LIX1L: variants seen among roughly 807,000 people sequenced by gnomAD.
The protein encoded by LIX1L is limb and CNS expressed 1 like, also known as LIX1-like protein.
A neutral mutation model predicts 34.0 loss-of-function variants in LIX1L; 20 were observed. The ratio of observed to expected loss-of-function variants is 0.59; its 90% CI spans 0.41 to 0.85. The LOEUF (loss-of-function observed/expected upper bound fraction) is 0.85. LIX1L is among the 40% of genes least tolerant of loss of function. The probability of loss-of-function intolerance (pLI) is 0.00; values close to 1 mark genes in which losing one functional copy is unlikely to be tolerated. For synonymous variants in LIX1L, 170 were observed against 187.4 expected (o/e 0.91, Z 0.76); for missense variants, 397 against 447.0 (o/e 0.89, Z 1.01).
chr1:145,940,583 G>A (rs1166109020), intron 3 of LIX1L, among the ~76,000 whole-genome samples: 3 of 124,436 alleles, frequency 2.4e-5, no homozygotes, highest in East Asian at 2.2e-4. Context: ...ACACAGTCTC[G>A]CTCTGTCACC....
chr1:145,956,662 C>A (rs1283324977), intron 1 of LIX1L, among the ~76,000 whole-genome samples: 1 of 152,128 alleles, frequency 6.6e-6, no homozygotes, highest in Non-Finnish European at 1.5e-5. Context: ...CAGGCAGGAC[C>A]TGGCCAAGCA....
intron 1 of LIX1L, among the ~76,000 whole-genome samples, chr1:145,955,911 C>T (rs1284952109): frequency 6.6e-6 from 1 of 152,124 alleles, no homozygotes; most frequent in Non-Finnish European, 1.5e-5. Context: ...AGCAGAGGCT[C>T]TCCAGGTAAC....
chr1:145,934,491 G>C lies in LIX1L; in HGVS notation c.*1819C>G, dbSNP rs587643493. ...AAGGAGGCTGAGGCAGGAGAGTGGC[G>C]TGAACCCGGGAGGCGGAGCTTGCAG... On this transcript the variant is annotated 3_prime_UTR_variant, in exon 6 of 6. Transcript: ENST00000604000. 2.0e-5 allele frequency: 3 copies of C among 151,070 alleles called. No homozygotes were observed. Among genetic ancestry groups the C allele is most frequent in the Non-Finnish European group, 2.9e-5 (2 of 67,942 alleles). 9.4% of individuals were successfully genotyped at this position (151,070 alleles called of 1,614,324 possible). A position where few individuals can be genotyped will look rare whatever the true frequency, so the allele number is the denominator to read the frequency against.
chr1:145,937,115 T>C (rs1648678763), intron 4 of LIX1L, 130 bp from the exon 5 acceptor site: 1 of 406,284 alleles, frequency 2.5e-6, no homozygotes, highest in Non-Finnish European at 4.5e-6. Context: ...TGATAGGCCT[T>C]TGGGGAAGAA....
rs1332511085 is a variant in LIX1L, at chr1:145,957,741, C to G, written c.187G>C (p.Gly63Arg). The part of the protein sequence containing the change: ...PPPLLLSGAP[G>R]LPLPPGAAGS... ...GCGGCGCCGGGGGGCAGGGGTAGTCCTGGGGCCCCAGACAGGAGCAGCGGC... is the reference window on the plus strand; with the variant it reads ...GCGGCGCCGGGGGGCAGGGGTAGTCGTGGGGCCCCAGACAGGAGCAGCGGC... Residue 63 changes from glycine to arginine, a missense_variant, in exon 1 of 6, where the codon GGA (glycine) becomes CGA (arginine). By Grantham distance (125) the Gly-to-Arg change is moderately radical. Coordinates refer to ENST00000604000, the MANE Select transcript of LIX1L (RefSeq NM_153713.3). 7 of 1,433,020 alleles carry G rather than the reference C, an allele frequency of 4.9e-6. No homozygotes were observed. In the African/African-American group the frequency reaches 6.0e-5, roughly 12 times the overall value. The allele number at this position is 1,433,020 out of a possible 1,614,324, so 88.8% of individuals were successfully genotyped here.
At chr1:145,951,684 T>C (rs1649304481) in intron 1 of LIX1L, among the ~76,000 whole-genome samples, 1 of 152,248 alleles carries the variant, frequency 6.6e-6, no homozygotes, top group Non-Finnish European at 1.5e-5. Context: ...ATCTTTGTTC[T>C]TTCCGTGAGA....
At chr1:145,944,094 T>C (rs946775683) in intron 2 of LIX1L, among the ~76,000 whole-genome samples, 5 of 148,606 alleles carry the variant, frequency 3.4e-5, no homozygotes, top group African/African-American at 1.0e-4. Context: ...TGGTGGCTCA[T>C]GCCTGTAATC....
chr1:145,940,769 T>C (rs1403263143), intron 3 of LIX1L, among the ~76,000 whole-genome samples: 1 of 151,224 alleles, frequency 6.6e-6, no homozygotes, highest in Middle Eastern at 3.2e-3. Context: ...AGCCAGATGG[T>C]CTTGATCTCT....
intron 3 of LIX1L, among the ~76,000 whole-genome samples, chr1:145,938,058 G>A (rs1648731962): frequency 6.6e-6 from 1 of 151,804 alleles, no homozygotes; most frequent in African/African-American, 2.4e-5. Context: ...CAACCTGGGA[G>A]GCGGAGATTG....
In LIX1L at chr1:145,947,685, G is replaced by A. The variant is rs781802367; in HGVS notation, c.390C>T (p.Pro130=). ...NGALVVYEMV[P]SNSPPYVCYV... ...AGCAGACATAAGGAGGGCTGTTGGA[G>A]GGAACCATCTCATAAACCACTAGAG... is the stretch of plus-strand genomic sequence containing the variant. The change falls in exon 2 of 6, where the codon CCC becomes CCT. Residue 130 remains proline (P), a synonymous_variant. Transcript: ENST00000604000. 21 of 1,613,994 alleles carry A rather than the reference G, an allele frequency of 1.3e-5. No homozygotes were observed. Among genetic ancestry groups the A allele is most frequent in the Non-Finnish European group, 1.8e-5 (21 of 1,180,026 alleles).
At chr1:145,947,826 C>A (rs782549733) in intron 1 of LIX1L, 44 bp from the exon 2 acceptor site, 1 of 1,582,952 alleles carries the variant, frequency 6.3e-7, no homozygotes, top group Admixed American at 1.7e-5. Flanking sequence ...ATGAGAACAC[C>A]TCCACGTGGT....
intron 1 of LIX1L, 90 bp downstream of exon 1, chr1:145,957,546 C>T: frequency 7.4e-7 from 1 of 1,346,666 alleles, no homozygotes; most frequent in Non-Finnish European, 9.5e-7. Flanking sequence ...CATGTGAGGG[C>T]TCCACGCCAG....
rs781883977 is a variant in LIX1L, at chr1:145,937,625, G to A, written c.672C>T (p.Gly224=). ...AFRFMLESNK[G]KSMLEFQELM... Reference sequence around the variant, plus strand: ...GTACCTGGAACTCCAACATTGATTTGCCCTTGTTGGATTCCAGCATGAATC... The same window carrying A: ...GTACCTGGAACTCCAACATTGATTTACCCTTGTTGGATTCCAGCATGAATC... Residue 224 remains glycine (G), a synonymous_variant, in exon 4 of 6, where the codon GGC becomes GGT. Coordinates refer to ENST00000604000, the MANE Select transcript of LIX1L (RefSeq NM_153713.3). 1.1e-5 allele frequency: 17 copies of A among 1,612,546 alleles called. No individual in the cohort carries two copies. Among genetic ancestry groups the A allele is most frequent in the Non-Finnish European group, 1.4e-5 (17 of 1,178,750 alleles).
intron 2 of LIX1L, among the ~76,000 whole-genome samples, chr1:145,946,118 CAAAAAAACAA>C (rs1360569318): frequency 1.4e-5 from 2 of 146,224 alleles, no homozygotes; most frequent in East Asian, 4.0e-4. Flanking sequence ...AACAAAAAAA[CAAAAAAACAA>C]AAAAAAACAA....
At chr1:145,941,689 G>T (rs987038597) in intron 3 of LIX1L, among the ~76,000 whole-genome samples, 1 of 152,048 alleles carries the variant, frequency 6.6e-6, no homozygotes, top group Non-Finnish European at 1.5e-5. Flanking sequence ...TCTAATCTTG[G>T]CGTGACCAAT....
At chr1:145,947,566 C>T (rs1407585924) in intron 2 of LIX1L, 53 bp downstream of exon 2, 8 of 1,577,170 alleles carry the variant, frequency 5.1e-6, no homozygotes, top group African/African-American at 2.7e-5. Context: ...TGGAGAAAGC[C>T]GTTACTAACA....
chr1:145,951,054 A>G (rs1649281360), intron 1 of LIX1L, among the ~76,000 whole-genome samples: 1 of 152,042 alleles, frequency 6.6e-6, no homozygotes, highest in Admixed American at 6.6e-5. Flanking sequence ...CAAGGAATTT[A>G]TTTTATTTTT....
intron 3 of LIX1L, among the ~76,000 whole-genome samples, chr1:145,941,465 C>T (rs1465451725): frequency 2.0e-5 from 3 of 151,950 alleles, no homozygotes; most frequent in Admixed American, 2.0e-4. Context: ...GTTAGCCAGG[C>T]TGGTTTCAAA....
intron 1 of LIX1L, 57 bp from the exon 2 acceptor site, chr1:145,947,839 T>C: frequency 6.7e-7 from 1 of 1,497,260 alleles, no homozygotes; most frequent in South Asian, 1.1e-5. Context: ...CACGTGGTGC[T>C]ATACTTCAAT....
Sources: allele counts gnomAD v4.1 joint callset (sites outside exome capture counted in the v4.1 genomes callset), GRCh38; gene constraint gnomAD v4.1.1; transcripts MANE v1.5; gene names NCBI Gene and HGNC (gene_info 2026-07-23, HGNC 2026-07-21).